HS1BP3: variants seen among roughly 807,000 people sequenced by gnomAD.
HS1BP3 encodes HCLS1 binding protein 3.
HS1BP3 carries 32 observed loss-of-function variants against 33.5 expected under a neutral mutation model. The observed-to-expected ratio is 0.95, with a 90% CI of 0.72 to 1.28. The LOEUF is 1.28. Among genes scored for constraint, HS1BP3 ranks in the 50% most tolerant of loss-of-function variants. The pLI, the probability that HS1BP3 is intolerant of heterozygous loss-of-function variation, is 0.00. For synonymous variants in HS1BP3, 187 were observed against 209.2 expected (o/e 0.89, Z 0.92); for missense variants, 486 against 502.3 (o/e 0.97, Z 0.31).
intron 5 of HS1BP3, among the ~76,000 whole-genome samples, chr2:20,570,379 T>C (rs915032877): frequency 6.6e-6 from 1 of 152,194 alleles, no homozygotes; most frequent in African/African-American, 2.4e-5. Flanking sequence ...CTTGGGCTCA[T>C]GCATCTCATA....
At chr2:20,605,363 C>T (rs1323220098) in intron 2 of HS1BP3, among the ~76,000 whole-genome samples, 4 of 152,220 alleles carry the variant, frequency 2.6e-5, no homozygotes, top group African/African-American at 4.8e-5. Flanking sequence ...AGGCCTCGGC[C>T]TGGCAGGCAA....
intron 6 of HS1BP3, among the ~76,000 whole-genome samples, chr2:20,620,046 T>C (rs994434526): frequency 4.6e-5 from 7 of 152,166 alleles, no homozygotes; most frequent in African/African-American, 1.7e-4. Context: ...GGACCATCCC[T>C]GGGTACTGAG....
downstream of HS1BP3, among the ~76,000 whole-genome samples, chr2:20,592,248 G>A (rs1043854321): frequency 1.7e-4 from 26 of 152,082 alleles, no homozygotes; most frequent in Non-Finnish European, 5.9e-5. Context: ...TTGCTTGAAC[G>A]CGGGAGGCAG....
chr2:20,638,330 C>T (rs771472991), intron 4 of HS1BP3, 106 bp downstream of exon 4: 55 of 1,137,784 alleles, frequency 4.8e-5, no homozygotes, highest in Admixed American at 3.3e-4. Flanking sequence ...TGCGAGGGGG[C>T]GACCTGGGAT....
chr2:20,612,226 A>T (rs1362502693), intron 2 of HS1BP3, among the ~76,000 whole-genome samples: 1 of 152,230 alleles, frequency 6.6e-6, no homozygotes, highest in African/African-American at 2.4e-5. Flanking sequence ...AAAAGCCAGG[A>T]GTTGGCTCAC....
At chr2:20,592,080 G>C (rs72782365), downstream of HS1BP3, among the ~76,000 whole-genome samples, 9,216 of 152,160 alleles carry the variant, frequency 0.061, 321 homozygotes, top group South Asian at 0.17. Context: ...TGGGGTGAAG[G>C]TTTCCAGGAG....
intron 1 of HS1BP3, among the ~76,000 whole-genome samples, chr2:20,650,370 C>G (rs1695654669): frequency 6.6e-6 from 1 of 152,246 alleles, no homozygotes; most frequent in Admixed American, 6.5e-5. Flanking sequence ...CCACCTTGGG[C>G]TGGGTCCTCC....
intron 2 of HS1BP3, among the ~76,000 whole-genome samples, chr2:20,604,509 G>A (rs1694132951): frequency 6.6e-6 from 1 of 152,194 alleles, no homozygotes; most frequent in Non-Finnish European, 1.5e-5. Context: ...CAATTCTCTG[G>A]AGGATTCCAG....
intron 5 of HS1BP3, among the ~76,000 whole-genome samples, chr2:20,571,198 G>A (rs1306041868): frequency 1.3e-5 from 2 of 152,178 alleles, no homozygotes. Flanking sequence ...TTCCTTGACG[G>A]TACCCCAGCA....
At chr2:20,645,705 C>T (rs1695498868) in intron 1 of HS1BP3, among the ~76,000 whole-genome samples, 200 bp from the exon 2 acceptor site, 1 of 152,304 alleles carries the variant, frequency 6.6e-6, no homozygotes, top group South Asian at 2.1e-4. Flanking sequence ...CTCGAGGCCT[C>T]GGACCTGGTC....
At position 20,624,724 on chromosome 2, in the gene HS1BP3, C is replaced by T. The variant is rs762783439; in HGVS notation, c.784+8G>A. ...GACACCAGGAGCAGACCATGGGGCT[C>T]TACTTACGGTCCACGGATGACACGT... is the stretch of plus-strand genomic sequence containing the variant. On this transcript the variant is annotated splice_region_variant and intron_variant, in intron 5 of 6. Coordinates refer to ENST00000304031, the MANE Select transcript of HS1BP3 (RefSeq NM_022460.4). 1.3e-6 allele frequency: 2 copies of T among 1,582,776 alleles called. No individual in the cohort carries two copies. The highest frequency in any genetic ancestry group is 1.7e-6 in the Non-Finnish European group (2 of 1,162,820).
At chr2:20,554,191 C>T in the HS1BP3 span, among the ~76,000 whole-genome samples, 42,046 of 152,144 alleles carry the variant, frequency 0.28, 6,489 homozygotes, top group Middle Eastern at 0.44. Flanking sequence ...CAAGGCTGTT[C>T]GTCATACAAC....
In HS1BP3 at chr2:20,645,490, G is replaced by A. The variant is rs1558352528; in HGVS notation, c.48C>T (p.Ala16=). ...GCACAGTCAGGTCGAGGCCAGTGTG[G>A]GCATTCTGAAGTCGCCTGCCAGGGG... ...VLVTSRRLQN[A]HTGLDLTVPQ... The change falls in exon 2 of 7, where the codon GCC becomes GCT. Residue 16 remains alanine, a synonymous_variant. Transcript: ENST00000304031. The A allele has an allele frequency of 1.2e-6, 2 of 1,612,760 alleles. No homozygotes were observed. Among genetic ancestry groups the A allele is most frequent in the Admixed American group, 1.7e-5 (1 of 59,856 alleles).
Position 20,645,488 on chromosome 2 carries a change from T to G in HS1BP3, c.50A>C (p.His17Pro), listed in dbSNP as rs753384993. ...LVTSRRLQNAHTGLDLTVPQH... is the reference protein window; with the variant it reads ...LVTSRRLQNAPTGLDLTVPQH... ...GGGCACAGTCAGGTCGAGGCCAGTG[T>G]GGGCATTCTGAAGTCGCCTGCCAGG... Residue 17 changes from histidine to proline, a missense_variant, in exon 2 of 7, where the codon CAC (histidine) becomes CCC (proline). Physicochemically the swap from His to Pro is moderately conservative, Grantham distance 77. Transcript: ENST00000304031. The G allele has an allele frequency of 6.2e-7, 1 of 1,612,768 alleles. No individual in the cohort carries two copies. Among genetic ancestry groups the G allele is most frequent in the East Asian group, 2.2e-5 (1 of 44,856 alleles).
chr2:20,648,659 C>T (rs1039701919), intron 1 of HS1BP3, among the ~76,000 whole-genome samples: 5 of 152,188 alleles, frequency 3.3e-5, no homozygotes, highest in Admixed American at 6.5e-5. Flanking sequence ...GTGATCTCAT[C>T]CAGGCTCCAG....
intron 2 of HS1BP3, among the ~76,000 whole-genome samples, chr2:20,645,066 T>G (rs2149303868): frequency 6.6e-6 from 1 of 152,294 alleles, no homozygotes; most frequent in Non-Finnish European, 1.5e-5. Flanking sequence ...CCAGGGTCAG[T>G]TAGGTGCCCC....
chr2:20,630,388 C>T (rs1694933081), intron 4 of HS1BP3, among the ~76,000 whole-genome samples: 1 of 152,088 alleles, frequency 6.6e-6, no homozygotes, highest in African/African-American at 2.4e-5. Flanking sequence ...ACCTCAGCCA[C>T]CCTAGTAATT....
At chr2:20,613,201 T>C (rs2149286936), downstream of HS1BP3, among the ~76,000 whole-genome samples, 1 of 152,220 alleles carries the variant, frequency 6.6e-6, no homozygotes, top group African/African-American at 2.4e-5. Flanking sequence ...AAAGTGGCGA[T>C]AACACCAAAA....
downstream of HS1BP3, among the ~76,000 whole-genome samples, chr2:20,556,833 A>T (rs987089834): frequency 6.6e-6 from 1 of 152,130 alleles, no homozygotes; most frequent in African/African-American, 2.4e-5. Context: ...TTCATTTCTC[A>T]TCCAAAGAAG....
Sources: gnomAD v4.1 joint callset for allele counts (sites outside exome capture counted in the v4.1 genomes callset) on GRCh38, gnomAD v4.1.1 for gene constraint, MANE v1.5 for transcripts, NCBI Gene and HGNC (gene_info 2026-07-23, HGNC 2026-07-21) for gene names.